KCNMB2: variants seen among roughly 807,000 people sequenced by gnomAD.
KCNMB2 encodes potassium calcium-activated channel subfamily M regulatory beta subunit 2.
Under a neutral mutation model 24.5 loss-of-function variants are expected in KCNMB2, and 9 were observed. The ratio of observed to expected loss-of-function variants is 0.37; its 90% CI spans 0.22 to 0.64. The LOEUF is 0.64. KCNMB2 is among the 30% of genes least tolerant of loss of function. KCNMB2 has a pLI of 0.63. For missense variants in KCNMB2, 226 were observed against 284.3 expected, an observed-to-expected ratio of 0.79 and a Z score of 1.47; for synonymous variants, 109 against 104.4, an observed-to-expected ratio of 1.04 and a Z score of -0.27.
At chr3:178,812,392 C>G in intron 2 of KCNMB2, among the ~76,000 whole-genome samples, 1 of 121,414 alleles carries the variant, frequency 8.2e-6, no homozygotes. Flanking sequence ...CCCCCCTCCC[C>G]CCACCCCACA....
At chr3:178,751,209 G>A (rs1723834582) in intron 1 of KCNMB2, among the ~76,000 whole-genome samples, 1 of 152,128 alleles carries the variant, frequency 6.6e-6, no homozygotes, top group South Asian at 2.1e-4. Flanking sequence ...TAGGTTCCAA[G>A]AAGACCAGAG....
chr3:178,801,204 T>C (rs527874578), intron 1 of KCNMB2, among the ~76,000 whole-genome samples: 42 of 152,240 alleles, frequency 2.8e-4, no homozygotes, highest in South Asian at 1.7e-3. Flanking sequence ...TGTAACACGA[T>C]GAAATGATAA....
At chr3:178,713,916 T>G (rs939527397) in intron 1 of KCNMB2, among the ~76,000 whole-genome samples, 2 of 152,190 alleles carry the variant, frequency 1.3e-5, no homozygotes, top group South Asian at 4.1e-4. Flanking sequence ...TCATTAACCC[T>G]GTGGGAAAAG....
chr3:178,797,238 T>A (rs980271486), intron 1 of KCNMB2, among the ~76,000 whole-genome samples: 1 of 152,006 alleles, frequency 6.6e-6, no homozygotes, highest in African/African-American at 2.4e-5. Context: ...ATCAAAGCCA[T>A]AATAAAAAGC....
At chr3:178,830,027 A>G (rs1282653216) in intron 4 of KCNMB2, among the ~76,000 whole-genome samples, 1 of 152,162 alleles carries the variant, frequency 6.6e-6, no homozygotes, top group East Asian at 1.9e-4. Flanking sequence ...GTACCCCAAA[A>G]ACACCCTACA....
chr3:178,787,187 A>T (rs1161055058), intron 1 of KCNMB2, among the ~76,000 whole-genome samples: 1 of 152,212 alleles, frequency 6.6e-6, no homozygotes, highest in East Asian at 1.9e-4. Context: ...GTGAACCTTT[A>T]CACCGATTTT....
chr3:178,674,963 C>T (rs1354600644), intron 1 of KCNMB2, among the ~76,000 whole-genome samples: 1 of 152,222 alleles, frequency 6.6e-6, no homozygotes, highest in Admixed American at 6.5e-5. Context: ...AAGACTTTCT[C>T]TGACCATAAA....
chr3:178,830,413 T>C (rs1413689842), intron 4 of KCNMB2, among the ~76,000 whole-genome samples: 2 of 152,174 alleles, frequency 1.3e-5, no homozygotes, highest in Non-Finnish European at 1.5e-5. Context: ...AATTCTACCA[T>C]GAATATTCTC....
intron 1 of KCNMB2, among the ~76,000 whole-genome samples, chr3:178,636,378 T>C (rs917968278): frequency 8.5e-5 from 13 of 152,144 alleles, no homozygotes; most frequent in African/African-American, 3.1e-4. Flanking sequence ...AAATACCACC[T>C]GTACCCCAAT....
intron 1 of KCNMB2, among the ~76,000 whole-genome samples, chr3:178,680,395 G>A (rs1011986211): frequency 2.0e-5 from 3 of 152,128 alleles, no homozygotes; most frequent in African/African-American, 7.2e-5. Context: ...TGTGCTATCT[G>A]GAGGCTGGTT....
intron 1 of KCNMB2, among the ~76,000 whole-genome samples, chr3:178,553,396 T>A (rs1480522233): frequency 1.3e-5 from 2 of 152,112 alleles, no homozygotes; most frequent in African/African-American, 4.8e-5. Context: ...CAATGCCCAC[T>A]GAAAACAAAA....
intron 1 of KCNMB2, among the ~76,000 whole-genome samples, chr3:178,677,170 AG>A (rs1721097929): frequency 6.6e-6 from 1 of 152,164 alleles, no homozygotes; most frequent in Non-Finnish European, 1.5e-5. Flanking sequence ...CTAAAACAAA[AG>A]CACTTGCCAC....
chr3:178,758,058 ATCTC>A (rs1487712066), intron 1 of KCNMB2, among the ~76,000 whole-genome samples: 1 of 49,016 alleles, frequency 2.0e-5, no homozygotes, highest in Non-Finnish European at 3.7e-5. Flanking sequence ...ATATATATAT[ATCTC>A]CAAGAGGATA....
intron 1 of KCNMB2, among the ~76,000 whole-genome samples, chr3:178,563,939 G>A (rs1450333834): frequency 6.6e-6 from 1 of 152,112 alleles, no homozygotes; most frequent in Non-Finnish European, 1.5e-5. Flanking sequence ...TGGAAATGAA[G>A]AGTCACAACA....
intron 1 of KCNMB2, among the ~76,000 whole-genome samples, chr3:178,736,392 G>T (rs1351081993): frequency 6.6e-6 from 1 of 152,188 alleles, no homozygotes; most frequent in Non-Finnish European, 1.5e-5. Flanking sequence ...TGTTTTGCTA[G>T]ACTGAGACTC....
At chr3:178,618,376 C>A (rs1278230043) in intron 1 of KCNMB2, among the ~76,000 whole-genome samples, 1 of 152,154 alleles carries the variant, frequency 6.6e-6, no homozygotes, top group East Asian at 1.9e-4. Flanking sequence ...ATTTTATCCT[C>A]ATAAGCCATC....
chr3:178,598,206 G>A lies in KCNMB2; in HGVS notation c.-68+61495G>A, dbSNP rs189069029. Among the ~76,000 whole-genome samples the A allele has an allele frequency of 1.6e-4, 24 of 152,168 alleles. 1 individual carries two copies. The highest frequency in any genetic ancestry group is 1.5e-3 in the South Asian group (7 of 4,824). On this transcript the variant is annotated intron_variant, in intron 1 of 4. Transcript: ENST00000452583. The stretch of plus-strand genomic sequence containing the variant: ...ACTCTCTAAACTGGGGAGTAGTTCC[G>A]TATATAAAAGTGTTTGGTGGGATGA...
chr3:178,595,059 C>CAAAAAAAAAAAAAAAAAAAAAAAAA (rs57471892), intron 1 of KCNMB2, among the ~76,000 whole-genome samples: 2 of 123,738 alleles, frequency 1.6e-5, no homozygotes, highest in Non-Finnish European at 3.4e-5. Flanking sequence ...ACAGTATTTG[C>CAAAAAAAAAAAAAAAAAAAAAAAAA]AAAAAAAAAA....
intron 1 of KCNMB2, among the ~76,000 whole-genome samples, chr3:178,660,556 T>C (rs1272123358): frequency 6.6e-6 from 1 of 152,202 alleles, no homozygotes; most frequent in African/African-American, 2.4e-5. Flanking sequence ...AAGACCCTCT[T>C]TGCTTAGCCC....
Sources: gnomAD v4.1 joint callset for allele counts (sites outside exome capture counted in the v4.1 genomes callset) on GRCh38, gnomAD v4.1.1 for gene constraint, MANE v1.5 for transcripts, NCBI Gene and HGNC (gene_info 2026-07-23, HGNC 2026-07-21) for gene names.